Variants in PARP12 observed in about 807,000 individuals in gnomAD.
The protein encoded by PARP12 is protein mono-ADP-ribosyltransferase PARP12.
A neutral mutation model predicts 72.4 loss-of-function variants in PARP12; 59 were observed. The ratio of observed to expected loss-of-function variants is 0.81; its 90% CI spans 0.66 to 1.01. The LOEUF is 1.01. Among genes scored for constraint, PARP12 ranks in the 50% least tolerant of loss-of-function variants. PARP12 has a pLI of 0.00. For missense variants in PARP12, 851 were observed against 914.0 expected, an observed-to-expected ratio of 0.93 and a Z score of 0.89; for synonymous variants, 403 against 371.4, an observed-to-expected ratio of 1.09 and a Z score of -0.98.
rs1401867723 is a variant in PARP12, at chr7:140,028,800, A to G, written c.1422-112T>C. The G allele has an allele frequency of 5.8e-6, 5 of 861,382 alleles. No homozygotes were observed. In the African/African-American group the frequency reaches 8.6e-5, roughly 15 times the overall value. 53.4% of individuals were successfully genotyped at this position (861,382 alleles called of 1,614,324 possible). On this transcript the variant is annotated intron_variant, in intron 8 of 11. Coordinates refer to ENST00000263549, the MANE Select transcript of PARP12 (RefSeq NM_022750.4). ...CCAGTCTTGAGTCTCAGCACATCATATTTCAAGAGCAGGTAGAAGGCAAGG... is the reference window on the plus strand; with the variant it reads ...CCAGTCTTGAGTCTCAGCACATCATGTTTCAAGAGCAGGTAGAAGGCAAGG...
chr7:140,061,925 G>T (rs865848488), intron 1 of PARP12, among the ~76,000 whole-genome samples: 4 of 142,968 alleles, frequency 2.8e-5, no homozygotes, highest in Non-Finnish European at 6.1e-5. Context: ...CCAAGAGCAA[G>T]AAGGGCATTC....
intron 8 of PARP12, among the ~76,000 whole-genome samples, chr7:140,031,051 T>C (rs899798794): frequency 6.6e-6 from 1 of 152,202 alleles, no homozygotes; most frequent in African/African-American, 2.4e-5. Context: ...GCAAAGATAT[T>C]GATTTACTTG....
At chr7:140,044,968 C>T (rs1447753063) in intron 5 of PARP12, among the ~76,000 whole-genome samples, 2 of 151,192 alleles carry the variant, frequency 1.3e-5, no homozygotes, top group Non-Finnish European at 2.9e-5. Context: ...TAAAACAATA[C>T]GAATTTCTAA....
In PARP12 at chr7:140,027,358, G is replaced by A. The variant is rs1227246064; in HGVS notation, c.1546C>T (p.Leu516Phe). ...SSEEYQKVWN[L>F]FNRTLPFYFV... Reference sequence around the variant, plus strand: ...TAGAAAGGCAGCGTGCGGTTAAAGAGGTTCCAGACCTTCTGATACTCTTCC... The same window carrying A: ...TAGAAAGGCAGCGTGCGGTTAAAGAAGTTCCAGACCTTCTGATACTCTTCC... Residue 516 changes from leucine (L) to phenylalanine (F), a missense_variant, in exon 10 of 12, where the codon CTC becomes TTC. Physicochemically the swap from Leu to Phe is conservative, Grantham distance 22. Coordinates refer to ENST00000263549, the MANE Select transcript of PARP12 (RefSeq NM_022750.4). The A allele has an allele frequency of 3.7e-6, 6 of 1,613,988 alleles. No homozygotes were observed. The African/African-American group carries it at 8.0e-5, about 22-fold the overall frequency.
Position 140,024,880 on chromosome 7 carries a change from A to G in PARP12, c.1786T>C (p.Tyr596His). 3 of 1,612,424 alleles carry G rather than the reference A, an allele frequency of 1.9e-6. No homozygotes were observed. The highest frequency in any genetic ancestry group is 2.5e-6 in the Non-Finnish European group (3 of 1,178,734). Residue 596 changes from tyrosine to histidine, a missense_variant, in exon 12 of 12, where the codon TAC becomes CAC. By Grantham distance (83) the Tyr-to-His change is moderately conservative. Coordinates refer to ENST00000263549, the MANE Select transcript of PARP12 (RefSeq NM_022750.4). Reference sequence around the variant, plus strand: ...GAATATGCAGCATCTCGGGCAAAGTAGCTCCCTGAAATGACACACGAGGGC... The same window carrying G: ...GAATATGCAGCATCTCGGGCAAAGTGGCTCCCTGAAATGACACACGAGGGC... Reference protein sequence around the residue: ...VHGTSYGKGSYFARDAAYSHH... With the variant: ...VHGTSYGKGSHFARDAAYSHH...
chr7:140,037,087 C>A (rs1236632105), intron 7 of PARP12, among the ~76,000 whole-genome samples: 2 of 152,182 alleles, frequency 1.3e-5, no homozygotes, highest in Non-Finnish European at 2.9e-5. Context: ...AACTGGGAGG[C>A]CAAGGTGGGT....
chr7:140,024,499 A>G lies in PARP12; in HGVS notation c.*61T>C, dbSNP rs746067980. The stretch of plus-strand genomic sequence containing the variant: ...AAAGTTTCTGTTTAAAAAGAAAAGG[A>G]AAGGCCCAAATAGCCATTTCAAGGC... On this transcript the variant is annotated 3_prime_UTR_variant, in exon 12 of 12. Coordinates refer to ENST00000263549, the MANE Select transcript of PARP12 (RefSeq NM_022750.4). The G allele has an allele frequency of 1.3e-6, 2 of 1,542,946 alleles. No individual in the cohort carries two copies. Among genetic ancestry groups the G allele is most frequent in the Non-Finnish European group, 1.8e-6 (2 of 1,120,744 alleles).
At chr7:140,031,400 A>C (rs1159246383) in intron 8 of PARP12, among the ~76,000 whole-genome samples, 7 of 151,884 alleles carry the variant, frequency 4.6e-5, no homozygotes, top group South Asian at 2.1e-4. Flanking sequence ...TAAATACATA[A>C]ATAAATTTTA....
chr7:140,024,976 G>T, intron 11 of PARP12, 91 bp from the exon 12 acceptor site: 1 of 1,182,478 alleles, frequency 8.5e-7, no homozygotes, highest in Non-Finnish European at 1.2e-6. Flanking sequence ...GATGTGCAAC[G>T]CCAGGGCCTC....
intron 4 of PARP12, among the ~76,000 whole-genome samples, chr7:140,049,629 T>A (rs1585106464): frequency 6.6e-6 from 1 of 152,128 alleles, no homozygotes; most frequent in Non-Finnish European, 1.5e-5. Context: ...CTTAGGGCCC[T>A]CCAGGCTGAT....
intron 7 of PARP12, among the ~76,000 whole-genome samples, chr7:140,035,963 G>A (rs1038407424): frequency 9.4e-5 from 7 of 74,690 alleles, no homozygotes; most frequent in Non-Finnish European, 1.4e-4. Flanking sequence ...CGAGGAGGAG[G>A]AGGAGGACGA....
rs143664898 is a variant in PARP12 at position 140,036,764 on chromosome 7, G to C, written c.1324+951C>G. 6.5e-3 allele frequency among the ~76,000 whole-genome samples: 989 copies of C among 152,074 alleles called. 5 individuals are homozygous for C. Among genetic ancestry groups the C allele is most frequent in the African/African-American group, 0.023 (940 of 41,444 alleles). On this transcript the variant is annotated intron_variant, in intron 7 of 11. Coordinates refer to ENST00000263549, the MANE Select transcript of PARP12 (RefSeq NM_022750.4). ...TACAGGCAAAACGGAACTGAATAAA[G>C]CTGGACCGATACACTCATGAGGAAA...
chr7:140,057,237 A>C, intron 2 of PARP12, 84 bp from the exon 3 acceptor site: 1 of 1,277,664 alleles, frequency 7.8e-7, no homozygotes, highest in Non-Finnish European at 1.1e-6. Context: ...ACTGGTGAGA[A>C]AGGGGCTTCA....
At chr7:140,045,208 ATTTTTGTAGAGACAAGG>A in intron 5 of PARP12, among the ~76,000 whole-genome samples, 1 of 151,888 alleles carries the variant, frequency 6.6e-6, no homozygotes, top group Non-Finnish European at 1.5e-5. Flanking sequence ...TTTTTTAAAA[ATTTTTGTAGAGACAAGG>A]TCTCTTTATG....
At position 140,041,625 on chromosome 7, in the gene PARP12, C is replaced by A; in HGVS notation, c.1182+19G>T. On this transcript the variant is annotated intron_variant, in intron 6 of 11. Coordinates refer to ENST00000263549, the MANE Select transcript of PARP12 (RefSeq NM_022750.4). The stretch of plus-strand genomic sequence containing the variant: ...AGATCCTCAGGACAAAACATTCACC[C>A]TCTTTCCATCACACTTACCTGTCTT... 2 of 1,606,964 alleles carry A rather than the reference C, an allele frequency of 1.2e-6. No homozygotes were observed. The highest frequency in any genetic ancestry group is 1.7e-6 in the Non-Finnish European group (2 of 1,175,260).
intron 11 of PARP12, 81 bp downstream of exon 11, chr7:140,026,116 C>G: frequency 6.2e-7 from 1 of 1,603,540 alleles, no homozygotes; most frequent in Admixed American, 1.7e-5. Flanking sequence ...CAGGCTGGTC[C>G]CCTCATGCCC....
At chr7:140,028,714 T>C (rs747833166) in intron 8 of PARP12, 26 bp from the exon 9 acceptor site, 17 of 1,560,668 alleles carry the variant, frequency 1.1e-5, no homozygotes, top group East Asian at 4.6e-5. Context: ...CAAAAACACG[T>C]AGACATTTTA....
In PARP12 at chr7:140,062,717, CG is replaced by C; in HGVS notation, c.130del (p.Arg44GlyfsTer63). ...CGCCACCACGAAGCGCCCACGCTGC[CG>C]CAGCAGCCGCTCCAGCGCGTCGGCG... ...LSADALERLL[R>X]QRGRFVVAVR... On this transcript the variant is annotated frameshift_variant, in exon 1 of 12. Coordinates refer to ENST00000263549, the MANE Select transcript of PARP12 (RefSeq NM_022750.4). LOFTEE classifies it high-confidence loss of function. The C allele has an allele frequency of 7.4e-7, 1 of 1,348,308 alleles. No individual in the cohort carries two copies. Among genetic ancestry groups the C allele is most frequent in the Non-Finnish European group, 9.6e-7 (1 of 1,043,674 alleles). 83.5% of individuals were successfully genotyped at this position (1,348,308 alleles called of 1,614,324 possible). A position where few individuals can be genotyped will look rare whatever the true frequency, so the allele number is the denominator to read the frequency against.
At chr7:140,048,287 G>T (rs1816819491) in intron 4 of PARP12, among the ~76,000 whole-genome samples, 1 of 152,114 alleles carries the variant, frequency 6.6e-6, no homozygotes, top group Non-Finnish European at 1.5e-5. Flanking sequence ...CCAACCCCAT[G>T]TTCCTCCTGG....
Sources: gnomAD v4.1 joint callset for allele counts (sites outside exome capture counted in the v4.1 genomes callset) on GRCh38, gnomAD v4.1.1 for gene constraint, MANE v1.5 for transcripts, NCBI Gene and HGNC (gene_info 2026-07-23, HGNC 2026-07-21) for gene names.